Variants in ADGRL2 observed in about 807,000 individuals in gnomAD.
ADGRL2 encodes calcium-independent alpha-latrotoxin receptor 2.
A neutral mutation model predicts 157.4 loss-of-function variants in ADGRL2; 44 were observed. That is an observed-to-expected ratio of 0.28 (90% CI 0.22 to 0.36). The LOEUF (loss-of-function observed/expected upper bound fraction) is 0.36. Among genes scored for constraint, ADGRL2 ranks in the 10% least tolerant of loss-of-function variants. The pLI, the probability that ADGRL2 is intolerant of heterozygous loss-of-function variation, is 1.00. For missense variants in ADGRL2, 1,510 were observed against 1,768.9 expected, an observed-to-expected ratio of 0.85 and a Z score of 2.63; for synonymous variants, 585 against 624.7, an observed-to-expected ratio of 0.94 and a Z score of 0.95.
At chr1:81,503,092 A>T in intron 2 of ADGRL2, 1 of 1,610,782 alleles carries the variant, frequency 6.2e-7, no homozygotes, top group Non-Finnish European at 8.5e-7. Context: ...GCCTGCTGAG[A>T]AGAAGGCGTC....
chr1:81,980,400 C>T (rs529876517), intron 18 of ADGRL2, among the ~76,000 whole-genome samples: 5 of 151,754 alleles, frequency 3.3e-5, no homozygotes, highest in Non-Finnish European at 7.4e-5. Context: ...CTGTTGTTTT[C>T]ATGCTAAACA....
At chr1:81,354,333 A>G (rs187957520) in intron 1 of ADGRL2, among the ~76,000 whole-genome samples, 18 of 152,354 alleles carry the variant, frequency 1.2e-4, no homozygotes, top group Non-Finnish European at 2.5e-4. Context: ...CTTCCCCTAC[A>G]GCCAGAATTC....
At chr1:81,471,724 G>C (rs1161780889) in intron 2 of ADGRL2, among the ~76,000 whole-genome samples, 1 of 152,128 alleles carries the variant, frequency 6.6e-6, no homozygotes, top group African/African-American at 2.4e-5. Context: ...TTGACTTTCT[G>C]CAGGTACTTA....
At chr1:81,905,672 G>T (rs2094570026) in intron 2 of ADGRL2, among the ~76,000 whole-genome samples, 1 of 152,066 alleles carries the variant, frequency 6.6e-6, no homozygotes, top group Admixed American at 6.6e-5. Context: ...TTAATAATGT[G>T]TTCCAATATT....
At chr1:81,399,773 C>A (rs561063264) in intron 1 of ADGRL2, among the ~76,000 whole-genome samples, 1 of 152,234 alleles carries the variant, frequency 6.6e-6, no homozygotes. Flanking sequence ...CCTTTTCCAG[C>A]AATTCATAGT....
chr1:81,802,147 G>C (rs2088286544), intron 1 of ADGRL2, among the ~76,000 whole-genome samples: 1 of 151,288 alleles, frequency 6.6e-6, no homozygotes, highest in Admixed American at 6.6e-5. Flanking sequence ...CTCTCCGGCC[G>C]GGGTAGCCGC....
At chr1:81,781,289 A>G (rs1314359358) in intron 2 of ADGRL2, among the ~76,000 whole-genome samples, 2 of 152,156 alleles carry the variant, frequency 1.3e-5, no homozygotes, top group African/African-American at 4.8e-5. Flanking sequence ...AGACTACAAC[A>G]TTGAGCTTTG....
chr1:81,966,606 T>C lies in ADGRL2; in HGVS notation c.2346T>C (p.Ile782=). Reference sequence around the variant, plus strand: ...CTGTGCTTTTTACCCTGCCACACATTGATGTAAGTTAATGTATGCTAATGA... The same window carrying C: ...CTGTGCTTTTTACCCTGCCACACATCGATGTAAGTTAATGTATGCTAATGA... ...TDPVLFTLPH[I]DPDNYFNANC... Residue 782 remains isoleucine (I), a synonymous_variant, in exon 13 of 24, where the codon ATT becomes ATC. Transcript: ENST00000686636. 6.2e-7 allele frequency: 1 copy of C among 1,613,082 alleles called. No individual in the cohort carries two copies. Among genetic ancestry groups the C allele is most frequent in the Non-Finnish European group, 8.5e-7 (1 of 1,179,126 alleles).
intron 1 of ADGRL2, among the ~76,000 whole-genome samples, chr1:81,809,384 A>G (rs1156273633): frequency 3.3e-5 from 5 of 152,008 alleles, no homozygotes; most frequent in African/African-American, 1.2e-4. Context: ...TTTAAAATGC[A>G]TTAAGTAACA....
intron 1 of ADGRL2, among the ~76,000 whole-genome samples, chr1:81,361,454 A>G (rs1254255939): frequency 6.6e-6 from 1 of 151,880 alleles, no homozygotes; most frequent in Non-Finnish European, 1.5e-5. Context: ...CTTTGCCCAG[A>G]ACTTCAATTA....
chr1:81,818,144 T>C (rs2149794676), intron 1 of ADGRL2, among the ~76,000 whole-genome samples: 1 of 151,756 alleles, frequency 6.6e-6, no homozygotes, highest in Admixed American at 6.6e-5. Flanking sequence ...CACTCCAACC[T>C]GGGCAACAGA....
intron 1 of ADGRL2, among the ~76,000 whole-genome samples, chr1:81,325,332 T>C (rs960987751): frequency 6.6e-6 from 1 of 152,166 alleles, no homozygotes. Flanking sequence ...CGACCTGTAT[T>C]TAAAAGATGT....
At chr1:81,972,910 T>TAAA (rs1659156212) in intron 17 of ADGRL2, among the ~76,000 whole-genome samples, 1 of 8,620 alleles carries the variant, frequency 1.2e-4, no homozygotes, top group Non-Finnish European at 2.2e-4. Flanking sequence ...AGACCCTGTC[T>TAAA]TAAAAAAAAA....
At chr1:81,931,085 G>T (rs1031061511) in intron 3 of ADGRL2, among the ~76,000 whole-genome samples, 1 of 152,192 alleles carries the variant, frequency 6.6e-6, no homozygotes, top group Admixed American at 6.5e-5. Context: ...GGAGGCCAAG[G>T]TTGCAGTGAG....
At chr1:81,805,940 T>G (rs560653150) in intron 1 of ADGRL2, among the ~76,000 whole-genome samples, 1 of 152,196 alleles carries the variant, frequency 6.6e-6, no homozygotes, top group Non-Finnish European at 1.5e-5. Context: ...AGGTGCAAAA[T>G]GTAGTGAAAA....
chr1:81,629,864 T>C (rs1052786544), intron 3 of ADGRL2, among the ~76,000 whole-genome samples: 2 of 152,022 alleles, frequency 1.3e-5, no homozygotes, highest in Non-Finnish European at 2.9e-5. Context: ...GTGCTGGGAT[T>C]GCAAGTGTGA....
intron 1 of ADGRL2, among the ~76,000 whole-genome samples, chr1:81,385,523 G>A (rs947024460): frequency 3.3e-5 from 5 of 151,926 alleles, no homozygotes; most frequent in Non-Finnish European, 7.4e-5. Flanking sequence ...ATAAACCTGA[G>A]GGTAACTTAG....
chr1:81,568,309 G>T (rs977247816), intron 2 of ADGRL2, among the ~76,000 whole-genome samples: 2 of 152,050 alleles, frequency 1.3e-5, no homozygotes, highest in East Asian at 3.9e-4. Flanking sequence ...CTCAAGGAGG[G>T]TTACAGTGTT....
intron 3 of ADGRL2, among the ~76,000 whole-genome samples, chr1:81,910,261 A>ATAATAATAATAATAT (rs1553187043): frequency 6.7e-6 from 1 of 149,904 alleles, no homozygotes; most frequent in South Asian, 2.1e-4. Flanking sequence ...AATAATAATA[A>ATAATAATAATAATAT]TAATAATAAT....
Sources: allele counts gnomAD v4.1 joint callset (sites outside exome capture counted in the v4.1 genomes callset), GRCh38; gene constraint gnomAD v4.1.1; transcripts MANE v1.5; gene names NCBI Gene and HGNC (gene_info 2026-07-23, HGNC 2026-07-21).